The following EHHADH variants were observed in gnomAD, a reference collection of about 807,000 sequenced individuals.
EHHADH encodes the protein peroxisomal bifunctional enzyme.
In EHHADH, 48 loss-of-function variants were observed where a neutral mutation model predicts 64.4. That is an observed-to-expected ratio of 0.75 (90% CI 0.59 to 0.95). The LOEUF is 0.95. Among genes scored for constraint, EHHADH ranks in the 40% least tolerant of loss-of-function variants. EHHADH has a pLI of 0.00. For synonymous variants in EHHADH, 308 were observed against 326.7 expected (o/e 0.94, Z 0.62); for missense variants, 854 against 876.6 (o/e 0.97, Z 0.33).
chr3:185,198,473 G>A (rs1577354095), intron 6 of EHHADH, among the ~76,000 whole-genome samples: 1 of 151,716 alleles, frequency 6.6e-6, no homozygotes, highest in East Asian at 2.0e-4. Context: ...CACCCACCTT[G>A]GCCCTACAAA....
chr3:185,197,990 T>G (rs2108625710), intron 6 of EHHADH, among the ~76,000 whole-genome samples: 1 of 152,160 alleles, frequency 6.6e-6, no homozygotes, highest in South Asian at 2.1e-4. Context: ...AGAGATGGGA[T>G]TTCACCATGT....
chr3:185,220,498 A>T (rs1220318838), intron 4 of EHHADH, among the ~76,000 whole-genome samples: 11 of 152,312 alleles, frequency 7.2e-5, no homozygotes, highest in Non-Finnish European at 1.5e-4. Flanking sequence ...GGTGTGTAAT[A>T]GGCTATACCA....
intron 5 of EHHADH, among the ~76,000 whole-genome samples, chr3:185,206,638 G>C (rs1208089721): frequency 1.3e-5 from 2 of 151,962 alleles, no homozygotes; most frequent in Non-Finnish European, 2.9e-5. Flanking sequence ...GACCAGCCTG[G>C]GCAACATGGT....
intron 6 of EHHADH, among the ~76,000 whole-genome samples, chr3:185,203,089 G>C (rs13081416): frequency 6.7e-6 from 1 of 149,392 alleles, no homozygotes; most frequent in Admixed American, 6.7e-5. Flanking sequence ...TAAAAAAAAA[G>C]AAAAAAGAAA....
chr3:185,252,140 G>A (rs890169230), intron 1 of EHHADH, among the ~76,000 whole-genome samples: 46 of 152,126 alleles, frequency 3.0e-4, no homozygotes, highest in Non-Finnish European at 4.3e-4. Context: ...CGTGGCTCAT[G>A]CCTGTAATCC....
At chr3:185,212,705 C>T (rs1432661505) in intron 5 of EHHADH, among the ~76,000 whole-genome samples, 1 of 152,070 alleles carries the variant, frequency 6.6e-6, no homozygotes, top group African/African-American at 2.4e-5. Flanking sequence ...CTTTGCATAC[C>T]ACAAAAGTCA....
intron 2 of EHHADH, among the ~76,000 whole-genome samples, chr3:185,245,050 C>T (rs930886870): frequency 1.3e-5 from 2 of 152,162 alleles, no homozygotes; most frequent in African/African-American, 4.8e-5. Context: ...TTTCTGATTA[C>T]TGATTGAATT....
At chr3:185,244,218 T>C (rs1056576823) in intron 2 of EHHADH, among the ~76,000 whole-genome samples, 3 of 152,302 alleles carry the variant, frequency 2.0e-5, no homozygotes, top group South Asian at 2.1e-4. Context: ...TTCCACTCCA[T>C]TGAGTTTGTG....
chr3:185,202,072 T>A (rs1399711252), intron 6 of EHHADH, among the ~76,000 whole-genome samples: 1 of 152,224 alleles, frequency 6.6e-6, no homozygotes, highest in African/African-American at 2.4e-5. Flanking sequence ...GCACAAAGGC[T>A]CACGCCTGTA....
intron 2 of EHHADH, among the ~76,000 whole-genome samples, chr3:185,241,445 G>A (rs1265291896): frequency 1.3e-5 from 2 of 152,044 alleles, no homozygotes; most frequent in African/African-American, 2.4e-5. Context: ...CCTTTTCATC[G>A]CATCCACATC....
chr3:185,198,985 G>A (rs1718153096), intron 6 of EHHADH, among the ~76,000 whole-genome samples: 1 of 152,056 alleles, frequency 6.6e-6, no homozygotes, highest in Non-Finnish European at 1.5e-5. Context: ...TGATTTAGCG[G>A]TGGAAAGAGG....
intron 5 of EHHADH, 65 bp from the exon 6 acceptor site, chr3:185,204,822 T>A: frequency 2.3e-6 from 3 of 1,323,642 alleles, no homozygotes; most frequent in Non-Finnish European, 3.1e-6. Context: ...TGTGAATATA[T>A]AGTAATAACA....
At chr3:185,206,126 A>G (rs1269385048) in intron 5 of EHHADH, among the ~76,000 whole-genome samples, 1 of 152,212 alleles carries the variant, frequency 6.6e-6, no homozygotes, top group Admixed American at 6.5e-5. Context: ...CACTCAGCGA[A>G]GGACCACAGT....
rs893810909 is a variant in EHHADH, at chr3:185,191,479, A to G, written c.*747T>C. The G allele has an allele frequency of 6.6e-6, 1 of 152,240 alleles. No homozygotes were observed. The highest frequency in any genetic ancestry group is 2.4e-5 in the African/African-American group (1 of 41,468). The allele number at this position is 152,240 out of a possible 1,614,324, so 9.4% of individuals were successfully genotyped here. A position where few individuals can be genotyped will look rare whatever the true frequency, so the allele number is the denominator to read the frequency against. ...AAAAGAGAAGAACTCTTACAACAAA[A>G]TCATACAAAATATGTTTTGCAACAA... On this transcript the variant is annotated 3_prime_UTR_variant, in exon 7 of 7. Transcript: ENST00000231887.
rs77567103 is a variant in EHHADH at position 185,198,866 on chromosome 3, A to T, written c.911-5379T>A. ...CCCTGTCTTCAAAAAAAAAAAATTT[A>T]AAAAAAGATACATACATAAATAAAA... is the stretch of plus-strand genomic sequence containing the variant. On this transcript the variant is annotated intron_variant, in intron 6 of 6. Transcript: ENST00000231887. 3.5e-3 allele frequency among the ~76,000 whole-genome samples: 532 copies of T among 152,112 alleles called. 1 individual carries two copies. Among genetic ancestry groups the T allele is most frequent in the African/African-American group, 0.012 (506 of 41,462 alleles).
chr3:185,200,846 CCTGGGCCTGGG>C (rs1276324874), intron 6 of EHHADH, among the ~76,000 whole-genome samples: 3 of 152,084 alleles, frequency 2.0e-5, no homozygotes, highest in Non-Finnish European at 4.4e-5. Flanking sequence ...GGCTGAGAAG[CCTGGGCCTGGG>C]CTCATGGAAA....
At chr3:185,236,545 C>T (rs1719302088) in intron 2 of EHHADH, among the ~76,000 whole-genome samples, 1 of 149,970 alleles carries the variant, frequency 6.7e-6, no homozygotes, top group African/African-American at 2.4e-5. Flanking sequence ...CTTTTTCCTA[C>T]AGCATTATCT....
At chr3:185,197,293 T>G (rs1295851801) in intron 6 of EHHADH, among the ~76,000 whole-genome samples, 3 of 152,200 alleles carry the variant, frequency 2.0e-5, no homozygotes, top group African/African-American at 4.8e-5. Flanking sequence ...TTTCTGATTT[T>G]TAAAAATTGT....
intron 6 of EHHADH, among the ~76,000 whole-genome samples, chr3:185,201,811 T>G (rs1718236224): frequency 6.6e-6 from 1 of 152,186 alleles, no homozygotes; most frequent in South Asian, 2.1e-4. Context: ...TAAAGAAAGG[T>G]TCACAACAAA....
Sources: gnomAD v4.1 joint callset for allele counts (sites outside exome capture counted in the v4.1 genomes callset) on GRCh38, gnomAD v4.1.1 for gene constraint, MANE v1.5 for transcripts, NCBI Gene and HGNC (gene_info 2026-07-23, HGNC 2026-07-21) for gene names.